FAM219A: variants seen among roughly 807,000 people sequenced by gnomAD.
FAM219A encodes family with sequence similarity 219 member A.
A neutral mutation model predicts 23.4 loss-of-function variants in FAM219A; 7 were observed. That is an observed-to-expected ratio of 0.30 (90% CI 0.17 to 0.56). The LOEUF (loss-of-function observed/expected upper bound fraction) is 0.56, where lower values mean the gene tolerates loss of function less well. FAM219A is among the 20% of genes least tolerant of loss of function. FAM219A has a pLI of 0.92. For missense variants in FAM219A, 166 were observed against 246.9 expected, an observed-to-expected ratio of 0.67 and a Z score of 2.20; for synonymous variants, 93 against 99.0, an observed-to-expected ratio of 0.94 and a Z score of 0.36.
intron 1 of FAM219A, among the ~76,000 whole-genome samples, chr9:34,421,972 C>T (rs1177355121): frequency 2.0e-5 from 3 of 152,128 alleles, no homozygotes; most frequent in Admixed American, 6.5e-5. Context: ...TCTAGGCCAG[C>T]CTCTCTACGC....
At chr9:34,418,395 T>C (rs1256584625) in intron 1 of FAM219A, among the ~76,000 whole-genome samples, 2 of 152,306 alleles carry the variant, frequency 1.3e-5, no homozygotes, top group Non-Finnish European at 1.5e-5. Flanking sequence ...ATTTGGGAGA[T>C]AGGATAAATA....
chr9:34,458,065 C>T lies in FAM219A; in HGVS notation c.60+139G>A. 1 of 770,670 alleles carries T rather than the reference C, an allele frequency of 1.3e-6. No individual in the cohort carries two copies. Among genetic ancestry groups the T allele is most frequent in the Non-Finnish European group, 1.9e-6 (1 of 528,790 alleles). 47.7% of individuals were successfully genotyped at this position (770,670 alleles called of 1,614,324 possible). A position where few individuals can be genotyped will look rare whatever the true frequency, so the allele number is the denominator to read the frequency against. Reference sequence around the variant, plus strand: ...GTTTTCTTGTCCTGCAAGTCCCCGTCCCCCGGCAATACGTTTTCAGGGATC... The same window carrying T: ...GTTTTCTTGTCCTGCAAGTCCCCGTTCCCCGGCAATACGTTTTCAGGGATC... On this transcript the variant is annotated intron_variant, in intron 1 of 5. Coordinates refer to ENST00000651358, the MANE Select transcript of FAM219A (RefSeq NM_001184940.2). The surrounding 1 kb of genome is among the most constrained non-coding windows in gnomAD (Gnocchi z 6.6).
Position 34,402,790 on chromosome 9 carries a change from C to T in FAM219A, c.178G>A (p.Ala60Thr). 6.2e-7 allele frequency: 1 copy of T among 1,614,174 alleles called. No homozygotes were observed. ...QVKLEKQRELARKGSLKNGSM... is the reference protein window; with the variant it reads ...QVKLEKQRELTRKGSLKNGSM... The stretch of plus-strand genomic sequence containing the variant: ...CCATTCTTCAGGGAGCCCTTCCGGG[C>T]CAGCTCCCGCTGCTTCTCTGCAGGA... Residue 60 changes from alanine (A) to threonine (T), a missense_variant, in exon 3 of 6, where the codon GCC (alanine) becomes ACC (threonine). Physicochemically the swap from Ala to Thr is moderately conservative, Grantham distance 58 (BLOSUM62 0). Transcript: ENST00000651358.
intron 1 of FAM219A, among the ~76,000 whole-genome samples, chr9:34,443,019 G>C (rs1327424724): frequency 6.6e-6 from 1 of 151,978 alleles, no homozygotes; most frequent in Non-Finnish European, 1.5e-5. Context: ...CAGTAGGTGG[G>C]GTATGGGTGA....
At chr9:34,402,858 G>T in intron 2 of FAM219A, 51 bp from the exon 3 acceptor site, 1 of 1,561,204 alleles carries the variant, frequency 6.4e-7, no homozygotes, top group Non-Finnish European at 8.8e-7. Context: ...AGGCCACCCT[G>T]TCTTACTACT....
At position 34,430,855 on chromosome 9, in the gene FAM219A, C is replaced by T. The variant is rs1362275444; in HGVS notation, c.61-24891G>A. Among the ~76,000 whole-genome samples the T allele has an allele frequency of 3.3e-5, 5 of 151,822 alleles. No homozygotes were observed. The East Asian group carries it at 7.7e-4, about 23-fold the overall frequency. On this transcript the variant is annotated intron_variant, in intron 1 of 5. Coordinates refer to ENST00000651358, the MANE Select transcript of FAM219A (RefSeq NM_001184940.2). ...AGACCATGTCTCCAAATAACAACAA[C>T]AACAACAACAATAAGTTAAATGGGC...
intron 1 of FAM219A, among the ~76,000 whole-genome samples, chr9:34,439,366 T>G (rs1159708684): frequency 4.0e-5 from 6 of 151,524 alleles, no homozygotes; most frequent in Non-Finnish European, 7.4e-5. Context: ...CATTCAGTCA[T>G]TCATTCATTC....
In FAM219A at chr9:34,402,701, C is replaced by A. The variant is rs930579447; in HGVS notation, c.263+4G>T. ...GGTCCAGGTGGGGTAGGGAGGGCCT[C>A]TACCTTGTTCGGGCCATGACATTGT... On this transcript the variant is annotated splice_donor_region_variant and intron_variant, in intron 3 of 5. Transcript: ENST00000651358. The A allele has an allele frequency of 6.2e-7, 1 of 1,614,024 alleles. No individual in the cohort carries two copies. The highest frequency in any genetic ancestry group is 8.5e-7 in the Non-Finnish European group (1 of 1,179,926).
chr9:34,456,593 G>T (rs919734677), intron 1 of FAM219A, among the ~76,000 whole-genome samples: 4 of 152,136 alleles, frequency 2.6e-5, no homozygotes, highest in African/African-American at 9.7e-5. Context: ...GGGCAATCTC[G>T]TTTGACAAGC....
At chr9:34,449,330 G>A (rs4879790) in intron 1 of FAM219A, among the ~76,000 whole-genome samples, 73,912 of 151,990 alleles carry the variant, frequency 0.49, 19,572 homozygotes, top group African/African-American at 0.69. Flanking sequence ...TAAATGGCTA[G>A]TGTATACAAT....
At chr9:34,420,148 G>A (rs1822208772) in intron 1 of FAM219A, among the ~76,000 whole-genome samples, 1 of 152,082 alleles carries the variant, frequency 6.6e-6, no homozygotes, top group Admixed American at 6.6e-5. Flanking sequence ...CAAGGGGGAG[G>A]GCACAATGTA....
At chr9:34,410,377 C>A (rs1821779601) in intron 1 of FAM219A, among the ~76,000 whole-genome samples, 1 of 152,062 alleles carries the variant, frequency 6.6e-6, no homozygotes, top group African/African-American at 2.4e-5. Context: ...ATGAAAAAAA[C>A]CAAAGTGTGG....
At chr9:34,406,459 C>G (rs974314256) in intron 1 of FAM219A, 3 of 985,302 alleles carry the variant, frequency 3.0e-6, no homozygotes, top group Non-Finnish European at 3.6e-6. Context: ...AGAGAACTGA[C>G]TGACCAAGCC....
At chr9:34,411,806 G>A (rs1444154494) in intron 1 of FAM219A, among the ~76,000 whole-genome samples, 1 of 152,170 alleles carries the variant, frequency 6.6e-6, no homozygotes. Context: ...AGGGAGGGTG[G>A]TCAAAGGAGA....
At chr9:34,435,830 G>T (rs1328613119) in intron 1 of FAM219A, among the ~76,000 whole-genome samples, 6 of 151,588 alleles carry the variant, frequency 4.0e-5, no homozygotes. Context: ...TTTTGAGATG[G>T]AGTCTCACTG....
chr9:34,432,203 AG>A (rs1460783497), intron 1 of FAM219A, among the ~76,000 whole-genome samples: 1 of 152,128 alleles, frequency 6.6e-6, no homozygotes, highest in Non-Finnish European at 1.5e-5. Context: ...CTTTGTGCCC[AG>A]GGGTGTACCA....
intron 4 of FAM219A, chr9:34,402,176 C>T (rs957608755): frequency 4.5e-5 from 67 of 1,494,852 alleles, no homozygotes; most frequent in Middle Eastern, 4.2e-4. Context: ...CAGCAGACAA[C>T]GCAGGCCCCC....
chr9:34,411,179 T>C (rs1821806545), intron 1 of FAM219A, among the ~76,000 whole-genome samples: 1 of 152,154 alleles, frequency 6.6e-6, no homozygotes, highest in African/African-American at 2.4e-5. Context: ...GGGCACCCTG[T>C]TTCCTCTCTT....
In FAM219A at chr9:34,401,673, G is replaced by C; in HGVS notation, c.392C>G (p.Ser131Cys). ...MSRYSSSGYS[S>C]AEQINQDLNI... ...GAAGGGGTAGGGGCTCACCTCAGCA[G>C]AGGAGTAGCCGGAGGAGGAGTATCT... Residue 131 changes from serine to cysteine, a missense_variant, in exon 5 of 6, where the codon TCT (serine) becomes TGT (cysteine). This residue lies in a region of FAM219A where 72 missense variants were observed against 131.0 expected (regional missense o/e 0.55). Coordinates refer to ENST00000651358, the MANE Select transcript of FAM219A (RefSeq NM_001184940.2). 6.2e-7 allele frequency: 1 copy of C among 1,608,252 alleles called. No individual in the cohort carries two copies. Among genetic ancestry groups the C allele is most frequent in the Non-Finnish European group, 8.5e-7 (1 of 1,178,556 alleles).
Sources: gnomAD v4.1 joint callset for allele counts (sites outside exome capture counted in the v4.1 genomes callset) on GRCh38, gnomAD v4.1.1 for gene constraint, gnomAD v4.1.1 regional missense constraint, Gnocchi (gnomAD v3.1) non-coding constraint, MANE v1.5 for transcripts, NCBI Gene and HGNC (gene_info 2026-07-23, HGNC 2026-07-21) for gene names.